Variants in GAS6 observed in about 807,000 individuals in gnomAD.
GAS6 encodes growth arrest-specific protein 6.
In GAS6, 41 loss-of-function variants were observed where a neutral mutation model predicts 75.8. The ratio of observed to expected loss-of-function variants is 0.54; its 90% CI spans 0.42 to 0.70. The LOEUF (loss-of-function observed/expected upper bound fraction) is 0.70, where lower values mean the gene tolerates loss of function less well. GAS6 is among the 30% of genes least tolerant of loss of function. The probability of loss-of-function intolerance (pLI) is 0.00; values close to 1 mark genes in which losing one functional copy is unlikely to be tolerated. For missense variants in GAS6, 854 were observed against 940.2 expected (o/e 0.91, Z 1.20); for synonymous variants, 432 against 412.6 (o/e 1.05, Z -0.57).
At chr13:113,826,451 C>G (rs2051542641) in intron 12 of GAS6, among the ~76,000 whole-genome samples, 1 of 135,508 alleles carries the variant, frequency 7.4e-6, no homozygotes, top group African/African-American at 2.7e-5. Context: ...CTCTCCCCAG[C>G]CTCCCGGCGC....
Position 113,820,981 on chromosome 13 carries a change from G to A in GAS6, c.1920C>T (p.Tyr640=). ...PVTSAPVTAF[Y]RGCMTLEVNR... is the part of the protein sequence containing the mutation. ...TGACCTCCAGTGTCATGCAGCCGCG[G>A]TAGAACGCGGTGACTGGCGCTGAAG... Residue 640 remains tyrosine (Y), a synonymous_variant, in exon 15 of 15, where the codon TAC becomes TAT. Transcript: ENST00000327773. 3.7e-6 allele frequency: 6 copies of A among 1,612,720 alleles called. No homozygotes were observed. The highest frequency in any genetic ancestry group is 5.1e-6 in the Non-Finnish European group (6 of 1,179,892).
intron 2 of GAS6, among the ~76,000 whole-genome samples, chr13:113,861,983 G>A (rs2051975450): frequency 6.6e-6 from 1 of 152,212 alleles, no homozygotes; most frequent in Non-Finnish European, 1.5e-5. Context: ...AGGGTGAGGA[G>A]ATGAACATGC....
At chr13:113,834,370 T>A (rs2051673059) in intron 8 of GAS6, among the ~76,000 whole-genome samples, 181 bp downstream of exon 8, 1 of 152,214 alleles carries the variant, frequency 6.6e-6, no homozygotes, top group African/African-American at 2.4e-5. Context: ...ACTCTATAAA[T>A]ACAACCAAAC....
intron 11 of GAS6, among the ~76,000 whole-genome samples, 165 bp from the exon 12 acceptor site, chr13:113,827,329 T>C (rs2051563665): frequency 1.3e-5 from 2 of 152,204 alleles, no homozygotes. Context: ...TTCTTCACTT[T>C]ACACAACGCC....
intron 3 of GAS6, chr13:113,846,835 CCCG>C: frequency 1.8e-6 from 1 of 545,016 alleles, no homozygotes; most frequent in South Asian, 2.0e-5. Flanking sequence ...TAAAGCACCG[CCCG>C]CCGTTTCGAG....
Position 113,828,577 on chromosome 13 carries a change from A to G in GAS6, c.1278T>C (p.Ile426=). 6.2e-7 allele frequency: 1 copy of G among 1,613,440 alleles called. No homozygotes were observed. The highest frequency in any genetic ancestry group is 8.5e-7 in the Non-Finnish European group (1 of 1,179,966). Residue 426 remains isoleucine, a synonymous_variant, in exon 11 of 15, where the codon ATT becomes ATC. Transcript: ENST00000327773. ...GCACGAGGTCCTTCTCATGGAAGGG[A>G]ATACCTCCCACGGTCAGGTTCAGAT... ...LYHLNLTVGG[I]PFHEKDLVQP...
chr13:113,835,797 C>G (rs1057253338), intron 6 of GAS6, 162 bp from the exon 7 acceptor site: 1 of 1,425,976 alleles, frequency 7.0e-7, no homozygotes, highest in East Asian at 2.6e-5. Context: ...CTCCCCTGAC[C>G]GGGCAGCTCC....
rs997094916 is a variant in GAS6 at position 113,848,977 on chromosome 13, C to G, written c.256-927G>C. Among the ~76,000 whole-genome samples, 1 of 152,316 alleles carries G rather than the reference C, an allele frequency of 6.6e-6. No homozygotes were observed. Among genetic ancestry groups the G allele is most frequent in the Non-Finnish European group, 1.5e-5 (1 of 68,026 alleles). ...GCAGACAGAGGCGGTAGGTACCCAG[C>G]GCCGTCTGCAACGCGCCTCTGGCTT... On this transcript the variant is annotated intron_variant, in intron 2 of 14. Coordinates refer to ENST00000327773, the MANE Select transcript of GAS6 (RefSeq NM_000820.4). The surrounding 1 kb of genome is among the most constrained non-coding windows in gnomAD (Gnocchi z 4.8).
At chr13:113,825,234 CAAAAAAAAAAAAAA>C (rs71105207) in intron 12 of GAS6, among the ~76,000 whole-genome samples, 1 of 58,370 alleles carries the variant, frequency 1.7e-5, no homozygotes. Context: ...AACTCCGTCT[CAAAAAAAAAAAAAA>C]AAAAAAAAAA....
rs1051817279 is a variant in GAS6 at position 113,844,069 on chromosome 13, G to A, written c.343+2458C>T. On this transcript the variant is annotated intron_variant, in intron 4 of 14. Transcript: ENST00000327773. This position sits in a 1 kb window ranked among gnomAD's most constrained non-coding sequence, Gnocchi z 5.7. The stretch of plus-strand genomic sequence containing the variant: ...AGAGGCCCCAGCCACGTGCTCTGGA[G>A]GAGAAGCTGAGAGCCCCAGGCCACA... 6.6e-5 allele frequency: 10 copies of A among 150,838 alleles called. 1 individual carries two copies. Among genetic ancestry groups the A allele is most frequent in the African/African-American group, 2.5e-4 (10 of 40,194 alleles). 9.3% of individuals were successfully genotyped at this position (150,838 alleles called of 1,614,324 possible).
chr13:113,855,096 C>G (rs892810624), intron 2 of GAS6, among the ~76,000 whole-genome samples: 2 of 152,204 alleles, frequency 1.3e-5, no homozygotes, highest in African/African-American at 2.4e-5. Context: ...TATAAAACAG[C>G]AAAATAAAAT....
intron 3 of GAS6, 99 bp from the exon 4 acceptor site, chr13:113,846,688 C>T (rs2051836337): frequency 6.3e-6 from 6 of 955,302 alleles, no homozygotes; most frequent in Admixed American, 1.8e-5. Flanking sequence ...AGTTACTCTG[C>T]TTACCTGGGG....
intron 2 of GAS6, among the ~76,000 whole-genome samples, chr13:113,859,508 G>A (rs982546909): frequency 2.0e-5 from 3 of 151,900 alleles, no homozygotes; most frequent in African/African-American, 4.8e-5. Context: ...GTTAGTATGT[G>A]TGTGTGCCTG....
At chr13:113,842,578 T>G in intron 4 of GAS6, 1 of 396,814 alleles carries the variant, frequency 2.5e-6, no homozygotes, top group Non-Finnish European at 4.4e-6. Flanking sequence ...TGGCCTGAAC[T>G]AGAGAAATGA....
At chr13:113,838,937 G>A in intron 5 of GAS6, 1 of 186,270 alleles carries the variant, frequency 5.4e-6, no homozygotes. Flanking sequence ...AGCAGCCCTA[G>A]CGTTTCATGG....
At chr13:113,823,943 G>A (rs1055774137) in intron 12 of GAS6, among the ~76,000 whole-genome samples, 1 of 152,234 alleles carries the variant, frequency 6.6e-6, no homozygotes, top group African/African-American at 2.4e-5. Flanking sequence ...CTCGTGCCTC[G>A]CATCTCACCT....
intron 12 of GAS6, among the ~76,000 whole-genome samples, chr13:113,823,761 G>A (rs745540952): frequency 5.9e-5 from 9 of 152,164 alleles, no homozygotes; most frequent in Non-Finnish European, 1.2e-4. Flanking sequence ...GTTTCTCCCT[G>A]GCCACACCAG....
intron 14 of GAS6, 29 bp downstream of exon 14, chr13:113,821,929 C>A: frequency 6.7e-7 from 1 of 1,489,432 alleles, no homozygotes; most frequent in South Asian, 1.3e-5. Context: ...AGCTCTTCAC[C>A]CGGGTTGAGC....
chr13:113,838,836 C>A (rs867091168), intron 5 of GAS6, among the ~76,000 whole-genome samples: 4 of 150,634 alleles, frequency 2.7e-5, no homozygotes, highest in African/African-American at 9.8e-5. Context: ...GAGTGCACAG[C>A]CCAGCCCCCG....
Sources: allele counts gnomAD v4.1 joint callset (sites outside exome capture counted in the v4.1 genomes callset), GRCh38; gene constraint gnomAD v4.1.1; non-coding constraint Gnocchi (gnomAD v3.1); transcripts MANE v1.5; gene names NCBI Gene and HGNC (gene_info 2026-07-23, HGNC 2026-07-21).